The following ZNF792 variants were observed in gnomAD, a reference collection of about 807,000 sequenced individuals.
ZNF792 encodes the protein zinc finger protein 792.
Under a neutral mutation model 13.1 loss-of-function variants are expected in ZNF792, and 14 were observed. That is an observed-to-expected ratio of 1.07 (90% CI 0.71 to 1.67). The LOEUF (loss-of-function observed/expected upper bound fraction) is 1.67, where lower values mean the gene tolerates loss of function less well. Among genes scored for constraint, ZNF792 ranks in the 40% most tolerant of loss-of-function variants. The probability of loss-of-function intolerance (pLI) is 0.00; values close to 1 mark genes in which losing one functional copy is unlikely to be tolerated. For missense variants in ZNF792, 740 were observed against 807.9 expected (o/e 0.92, Z 1.02); for synonymous variants, 257 against 292.0 (o/e 0.88, Z 1.22).
rs1306289096 is a variant in ZNF792, at chr19:34,958,847, G to T, written c.1008C>A (p.Ser336Arg). 1 of 1,612,306 alleles carries T rather than the reference G, an allele frequency of 6.2e-7. No homozygotes were observed. The highest frequency in any genetic ancestry group is 8.5e-7 in the Non-Finnish European group (1 of 1,178,716). The change falls in exon 4 of 4, where the codon AGC becomes AGA. Residue 336 changes from serine to arginine, a missense_variant. Ser to Arg is a moderately radical substitution (Grantham distance 110). Transcript: ENST00000404801. ...VKHRRVHTGESPHVCGDCGKF... is the reference protein window; with the variant it reads ...VKHRRVHTGERPHVCGDCGKF... ...TCCCACAGTCACCACACACGTGAGG[G>T]CTTTCACCGGTGTGAACCCTGCGAT...
rs769494634 is a variant in ZNF792 at position 34,958,116 on chromosome 19, T to G, written c.1739A>C (p.His580Pro). 4 of 1,613,190 alleles carry G rather than the reference T, an allele frequency of 2.5e-6. No individual in the cohort carries two copies. The South Asian group carries it at 3.3e-5, about 13-fold the overall frequency. ...AFNQRPTLIR[H>P]QKIHIRERSM... ...CCTTTCTCTGATGTGAATCTTCTGATGCCGAATGAGGGTAGGCCTTTGGTT... is the reference window on the plus strand; with the variant it reads ...CCTTTCTCTGATGTGAATCTTCTGAGGCCGAATGAGGGTAGGCCTTTGGTT... Residue 580 changes from histidine to proline, a missense_variant, in exon 4 of 4, where the codon CAT becomes CCT. By Grantham distance (77) the His-to-Pro change is moderately conservative. Transcript: ENST00000404801.
chr19:34,964,015 C>A lies in ZNF792; in HGVS notation c.-353G>T. ...AGCCCCAGCCGCCCCGCCCCCAACT[C>A]GGGGTCCCCAGCTCCTGGGGACTCA... On this transcript the variant is annotated 5_prime_UTR_variant, in exon 1 of 4. Transcript: ENST00000404801. 1 of 273,676 alleles carries A rather than the reference C, an allele frequency of 3.7e-6. No homozygotes were observed. The allele number at this position is 273,676 out of a possible 1,614,324, so 17.0% of individuals were successfully genotyped here.
At chr19:34,960,596 G>A in intron 2 of ZNF792, 1 of 678,390 alleles carries the variant, frequency 1.5e-6, no homozygotes, top group Admixed American at 2.9e-5. Context: ...AGGAGGGAAT[G>A]GCCGAGTCAG....
At position 34,960,318 on chromosome 19, in the gene ZNF792, T is replaced by A; in HGVS notation, c.200A>T (p.Glu67Val). ...AGGCACCCAGGGCTCTTTCCCCATC[T>A]CCAACTGGGAAACGATGTGGGACCT... ...SFRSHIVSQLEMGKEPWVPDS... is the reference protein window; with the variant it reads ...SFRSHIVSQLVMGKEPWVPDS... Residue 67 changes from glutamate to valine, a missense_variant, in exon 3 of 4, where the codon GAG (glutamate) becomes GTG (valine). Glu to Val is a moderately radical substitution (Grantham distance 121). Transcript: ENST00000404801. 1 of 1,613,670 alleles carries A rather than the reference T, an allele frequency of 6.2e-7. No homozygotes were observed. Among genetic ancestry groups the A allele is most frequent in the Non-Finnish European group, 8.5e-7 (1 of 1,179,772 alleles).
At chr19:34,961,214 C>T (rs2013523762) in intron 1 of ZNF792, among the ~76,000 whole-genome samples, 1 of 152,122 alleles carries the variant, frequency 6.6e-6, no homozygotes, top group Non-Finnish European at 1.5e-5. Flanking sequence ...GGGCCCAGCT[C>T]GCTCTTCTGC....
chr19:34,958,990 T>G lies in ZNF792; in HGVS notation c.865A>C (p.Ile289Leu). 2 of 1,614,102 alleles carry G rather than the reference T, an allele frequency of 1.2e-6. No individual in the cohort carries two copies. Among genetic ancestry groups the G allele is most frequent in the Non-Finnish European group, 1.7e-6 (2 of 1,179,916 alleles). The change falls in exon 4 of 4, where the codon ATC becomes CTC. Residue 289 changes from isoleucine to leucine, a missense_variant. By Grantham distance (5) the Ile-to-Leu change is conservative. Transcript: ENST00000404801. ...AGGTCAGCGGCGTAAGTGAAGAAGA[T>G]TCCACATTTGCTGCATTCATAAGGC... ...ERPYECSKCG[I>L]FFTYAADLTQ...
rs912774316 is a variant in ZNF792 at position 34,957,773 on chromosome 19, A to G, written c.*183T>C. On this transcript the variant is annotated 3_prime_UTR_variant, in exon 4 of 4. Transcript: ENST00000404801. The stretch of plus-strand genomic sequence containing the variant: ...CTCCTAATTCCCTTTAGGGATTGGA[A>G]AGAGAGAGGAGAGGTCTGCCTTCCC... The G allele has an allele frequency of 2.8e-5, 17 of 597,186 alleles. No individual in the cohort carries two copies. Among genetic ancestry groups the G allele is most frequent in the Non-Finnish European group, 4.9e-5 (17 of 349,070 alleles). The allele number at this position is 597,186 out of a possible 1,614,324, so 37.0% of individuals were successfully genotyped here. A position where few individuals can be genotyped will look rare whatever the true frequency, so the allele number is the denominator to read the frequency against.
chr19:34,963,377 C>T (rs1428025689), intron 1 of ZNF792, among the ~76,000 whole-genome samples: 3 of 151,984 alleles, frequency 2.0e-5, no homozygotes, highest in Admixed American at 6.5e-5. Flanking sequence ...CTTTTGCGCA[C>T]GCTGGTTCCT....
At chr19:34,959,661 G>T in intron 3 of ZNF792, 90 bp from the exon 4 acceptor site, 2 of 1,369,242 alleles carry the variant, frequency 1.5e-6, no homozygotes, top group Non-Finnish European at 2.0e-6. Flanking sequence ...CCAAGAATAA[G>T]CCCATGGGAT....
intron 1 of ZNF792, among the ~76,000 whole-genome samples, chr19:34,961,389 G>T (rs1032554120): frequency 6.6e-6 from 1 of 152,032 alleles, no homozygotes; most frequent in Non-Finnish European, 1.5e-5. Flanking sequence ...CCTTCACCAC[G>T]GCCTCCCATT....
At chr19:34,961,597 G>C (rs1393868005) in intron 1 of ZNF792, among the ~76,000 whole-genome samples, 1 of 152,084 alleles carries the variant, frequency 6.6e-6, no homozygotes, top group Non-Finnish European at 1.5e-5. Flanking sequence ...CCCTTGCCTT[G>C]GAGCCCCCTA....
rs758946455 is a variant in ZNF792 at position 34,958,086 on chromosome 19, A to C, written c.1769T>G (p.Met590Arg). ...TGAACAGGGAAGGAGCACATTCTCC[A>C]TGCTCCTTTCTCTGATGTGAATCTT... ...HQKIHIRERS[M>R]ENVLLPCSQH... Residue 590 changes from methionine to arginine, a missense_variant, in exon 4 of 4, where the codon ATG becomes AGG. Physicochemically the swap from Met to Arg is moderately conservative, Grantham distance 91 (BLOSUM62 -1). Coordinates refer to ENST00000404801, the MANE Select transcript of ZNF792 (RefSeq NM_175872.5). The C allele has an allele frequency of 1.4e-4, 221 of 1,612,558 alleles. 3 individuals carry two copies. In the East Asian group the frequency reaches 4.8e-3, roughly 35 times the overall value.
In ZNF792 at chr19:34,964,114, G is replaced by C. The variant is rs2013573427; in HGVS notation, c.-452C>G. The C allele has an allele frequency of 6.1e-6, 1 of 162,712 alleles. No individual in the cohort carries two copies. Among genetic ancestry groups the C allele is most frequent in the South Asian group, 1.8e-4 (1 of 5,540 alleles). The allele number at this position is 162,712 out of a possible 1,614,324, so 10.1% of individuals were successfully genotyped here. A position where few individuals can be genotyped will look rare whatever the true frequency, so the allele number is the denominator to read the frequency against. On this transcript the variant is annotated 5_prime_UTR_variant, in exon 1 of 4. Transcript: ENST00000404801. ...GGCCCCCACCGTGGCGGCCGGGAGAGTTGCCCTCTCCCGTACTGTCATTGG... is the reference window on the plus strand; with the variant it reads ...GGCCCCCACCGTGGCGGCCGGGAGACTTGCCCTCTCCCGTACTGTCATTGG...
At chr19:34,961,458 C>A (rs764861379) in intron 1 of ZNF792, among the ~76,000 whole-genome samples, 4 of 152,144 alleles carry the variant, frequency 2.6e-5, no homozygotes, top group South Asian at 2.1e-4. Context: ...TGGGCTCCCA[C>A]GAGTCACTCT....
At chr19:34,961,557 AC>A (rs2013528219) in intron 1 of ZNF792, among the ~76,000 whole-genome samples, 1 of 152,068 alleles carries the variant, frequency 6.6e-6, no homozygotes, top group African/African-American at 2.4e-5. Flanking sequence ...CAAGGGCAAC[AC>A]CCAGGTAAGG....
Position 34,958,127 on chromosome 19 carries a change from G to A in ZNF792, c.1728C>T (p.Thr576=). Residue 576 remains threonine (T), a synonymous_variant, in exon 4 of 4, where the codon ACC becomes ACT. Transcript: ENST00000404801. The stretch of plus-strand genomic sequence containing the variant: ...TGTGAATCTTCTGATGCCGAATGAG[G>A]GTAGGCCTTTGGTTGAAGGCTTTCC... The part of the protein sequence containing the change: ...ECGKAFNQRP[T]LIRHQKIHIR... 1 of 1,613,532 alleles carries A rather than the reference G, an allele frequency of 6.2e-7. No homozygotes were observed. Among genetic ancestry groups the A allele is most frequent in the Non-Finnish European group, 8.5e-7 (1 of 1,179,690 alleles).
rs539990739 is a variant in ZNF792 at position 34,960,849 on chromosome 19, G to A, written c.160+19C>T. On this transcript the variant is annotated intron_variant, in intron 2 of 3. Coordinates refer to ENST00000404801, the MANE Select transcript of ZNF792 (RefSeq NM_175872.5). ...GCAGAGAGGAGCTCGGGACACCGGG[G>A]TAGGGGTGACAGCCTTACCCAGCGA... 36 of 1,613,940 alleles carry A rather than the reference G, an allele frequency of 2.2e-5. 1 individual carries two copies. The highest frequency in any genetic ancestry group is 1.7e-4 in the African/African-American group (13 of 75,032).
chr19:34,960,701 G>A, intron 2 of ZNF792, 167 bp downstream of exon 2: 1 of 1,050,972 alleles, frequency 9.5e-7, no homozygotes, highest in Non-Finnish European at 1.4e-6. Flanking sequence ...GGGAGAGGAG[G>A]GAACAATGCA....
Position 34,962,298 on chromosome 19 carries a change from AAGAG to A in ZNF792, c.34-1308_34-1305del, listed in dbSNP as rs540639307. Among the ~76,000 whole-genome samples the A allele has an allele frequency of 1.6e-3, 246 of 152,380 alleles. 1 individual carries two copies. The highest frequency in any genetic ancestry group is 2.7e-3 in the Non-Finnish European group (187 of 68,032). ...CTACTTACTCAAAGCTCACTATAGC[AAGAG>A]AGACTCAATGCAAGCCGGGAGTGGG... On this transcript the variant is annotated intron_variant, in intron 1 of 3. Transcript: ENST00000404801.
Sources: allele counts gnomAD v4.1 joint callset (sites outside exome capture counted in the v4.1 genomes callset), GRCh38; gene constraint gnomAD v4.1.1; transcripts MANE v1.5; gene names NCBI Gene and HGNC (gene_info 2026-07-23, HGNC 2026-07-21).